Variants in PCDHA3 observed in about 807,000 individuals in gnomAD.
The protein encoded by PCDHA3 is protocadherin alpha-3.
In PCDHA3, 41 loss-of-function variants were observed where a neutral mutation model predicts 62.2. That is an observed-to-expected ratio of 0.66 (90% CI 0.51 to 0.86). The LOEUF (loss-of-function observed/expected upper bound fraction) is 0.86, where lower values mean the gene tolerates loss of function less well. Among genes scored for constraint, PCDHA3 ranks in the 40% least tolerant of loss-of-function variants. PCDHA3 has a pLI of 0.00. For missense variants in PCDHA3, 1,304 were observed against 1,241.2 expected (o/e 1.05, Z -0.76); for synonymous variants, 640 against 555.4 (o/e 1.15, Z -2.14).
intron 1 of PCDHA3, chr5:140,850,432 G>A: frequency 6.3e-7 from 1 of 1,597,826 alleles, no homozygotes; most frequent in Non-Finnish European, 8.6e-7. Context: ...CCGCGCCAGC[G>A]CCTACTGGTG....
intron 1 of PCDHA3, chr5:140,805,148 A>G: frequency 6.4e-7 from 1 of 1,564,848 alleles, no homozygotes; most frequent in Middle Eastern, 1.7e-4. Flanking sequence ...AGACTTTGGA[A>G]TTTTCACTTC....
intron 1 of PCDHA3, among the ~76,000 whole-genome samples, chr5:140,909,701 T>A (rs1038404823): frequency 4.6e-4 from 70 of 152,334 alleles, no homozygotes; most frequent in African/African-American, 1.6e-3. Flanking sequence ...TTCTGCTAGC[T>A]GCTAAGTATA....
chr5:140,829,342 C>T (rs17844302), intron 1 of PCDHA3: 7 of 1,614,106 alleles, frequency 4.3e-6, no homozygotes, highest in African/African-American at 2.7e-5. Flanking sequence ...ACCGCGAGAG[C>T]GTGTCGGCCT....
chr5:140,931,086 A>G (rs2087290662), intron 1 of PCDHA3, among the ~76,000 whole-genome samples: 1 of 152,204 alleles, frequency 6.6e-6, no homozygotes, highest in Non-Finnish European at 1.5e-5. Context: ...CCAGTTCTAC[A>G]GATGACAAAG....
chr5:140,883,702 T>G (rs367854871), intron 1 of PCDHA3: 3 of 1,613,750 alleles, frequency 1.9e-6, no homozygotes, highest in Non-Finnish European at 2.5e-6. Flanking sequence ...TCACGGTGTC[T>G]GCTCAGGACG....
At chr5:140,975,053 A>C (rs2096651589) in intron 1 of PCDHA3, among the ~76,000 whole-genome samples, 1 of 152,144 alleles carries the variant, frequency 6.6e-6, no homozygotes, top group Admixed American at 6.5e-5. Flanking sequence ...GGAAGAATCT[A>C]CTATCGAGCT....
At chr5:140,828,561 C>G (rs2150156811) in intron 1 of PCDHA3, 1 of 1,614,178 alleles carries the variant, frequency 6.2e-7, no homozygotes, top group Admixed American at 1.7e-5. Flanking sequence ...CTGGAGGGCG[C>G]GTCCGATGCA....
intron 1 of PCDHA3, chr5:140,843,642 C>G (rs1352929745): frequency 1.9e-6 from 3 of 1,595,362 alleles, no homozygotes; most frequent in Non-Finnish European, 2.6e-6. Context: ...GCCTTCAGCC[C>G]CTGCCTTCCT....
intron 1 of PCDHA3, chr5:140,883,849 G>A (rs2059850853): frequency 1.2e-6 from 2 of 1,612,940 alleles, no homozygotes; most frequent in East Asian, 2.2e-5. Context: ...ACCACGAGGA[G>A]CTGGAGCTGT....
At position 140,967,456 on chromosome 5, in the gene PCDHA3, G is replaced by A. The variant is rs781877104; in HGVS notation, c.2395-11493G>A. On this transcript the variant is annotated intron_variant, in intron 1 of 3. Transcript: ENST00000522353. The stretch of plus-strand genomic sequence containing the variant: ...TGCACCACCTGGTTCTCACAGCCGT[G>A]GATGGGGGCATCCCAGCCCGCTCGG... 4.3e-6 allele frequency: 7 copies of A among 1,613,480 alleles called. No homozygotes were observed. The South Asian group carries it at 6.6e-5, about 15-fold the overall frequency.
At chr5:140,943,144 G>C (rs894787678) in intron 1 of PCDHA3, among the ~76,000 whole-genome samples, 1 of 151,178 alleles carries the variant, frequency 6.6e-6, no homozygotes, top group Non-Finnish European at 1.5e-5. Context: ...TGTAGTCCCA[G>C]CTACTCTGGA....
At chr5:140,928,406 G>A (rs782285182) in intron 1 of PCDHA3, 1 of 1,614,050 alleles carries the variant, frequency 6.2e-7, no homozygotes, top group South Asian at 1.1e-5. Flanking sequence ...TCATCCAGTG[G>A]GGCCATCACT....
chr5:140,954,271 A>G (rs1284942355), intron 1 of PCDHA3, among the ~76,000 whole-genome samples: 2 of 152,140 alleles, frequency 1.3e-5, no homozygotes, highest in South Asian at 2.1e-4. Context: ...TTATAATAGG[A>G]TGATTTATAT....
In PCDHA3 at chr5:141,003,361, G is replaced by A. The variant is rs2098120892; in HGVS notation, c.2543-6266G>A. Among the ~76,000 whole-genome samples the A allele has an allele frequency of 5.9e-5, 9 of 152,298 alleles. No individual in the cohort carries two copies. The South Asian group carries it at 1.9e-3, about 32-fold the overall frequency. On this transcript the variant is annotated intron_variant, in intron 3 of 3. Coordinates refer to ENST00000522353, the MANE Select transcript of PCDHA3 (RefSeq NM_018906.3). ...TTTGTTTGCTCTGTCACCCAGGCTG[G>A]AGTGCAGTGGTGCAATCTCAGCTCA...
At chr5:140,807,646 A>T (rs1763995507) in intron 1 of PCDHA3, 1 of 1,614,220 alleles carries the variant, frequency 6.2e-7, no homozygotes, top group East Asian at 2.2e-5. Flanking sequence ...CTCGGTTTCC[A>T]CTAGAGGGCG....
chr5:141,005,142 T>C (rs1554259898), intron 3 of PCDHA3, among the ~76,000 whole-genome samples: 1 of 152,234 alleles, frequency 6.6e-6, no homozygotes, highest in African/African-American at 2.4e-5. Flanking sequence ...ATTGGAGAGT[T>C]GTTTGGTCTG....
chr5:140,884,265 T>A, intron 1 of PCDHA3: 1 of 1,613,432 alleles, frequency 6.2e-7, no homozygotes, highest in Middle Eastern at 1.6e-4. Context: ...GCAACGGTGC[T>A]GTTGTCGCTG....
At chr5:140,882,300 C>T in intron 1 of PCDHA3, 2 of 1,613,722 alleles carry the variant, frequency 1.2e-6, no homozygotes, top group Non-Finnish European at 1.7e-6. Context: ...GGCCCAAGAC[C>T]GCGGCAACTA....
chr5:140,830,110 C>A, intron 1 of PCDHA3: 2 of 1,613,556 alleles, frequency 1.2e-6, no homozygotes, highest in Non-Finnish European at 1.7e-6. Flanking sequence ...TGGAGAGTGG[C>A]CAGGCTCCAA....
Sources: allele counts gnomAD v4.1 joint callset (sites outside exome capture counted in the v4.1 genomes callset), GRCh38; gene constraint gnomAD v4.1.1; transcripts MANE v1.5; gene names NCBI Gene and HGNC (gene_info 2026-07-23, HGNC 2026-07-21).